ZNF91: variants seen among roughly 807,000 people sequenced by gnomAD.
ZNF91 encodes zinc finger protein 91.
In ZNF91, 7 loss-of-function variants were observed where a neutral mutation model predicts 12.6. The observed-to-expected ratio is 0.55, with a 90% confidence interval of 0.31 to 1.04. The LOEUF is 1.04. Among genes scored for constraint, ZNF91 ranks in the 50% least tolerant of loss-of-function variants. The pLI, the probability that ZNF91 is intolerant of heterozygous loss-of-function variation, is 0.05. For missense variants in ZNF91, 1,217 were observed against 1,385.4 expected (o/e 0.88, Z 1.93); for synonymous variants, 453 against 462.6 (o/e 0.98, Z 0.27).
chr19:23,369,654 G>A (rs1009697120), intron 3 of ZNF91, among the ~76,000 whole-genome samples: 1 of 152,134 alleles, frequency 6.6e-6, no homozygotes, highest in Non-Finnish European at 1.5e-5. Flanking sequence ...ATTTTGTTCT[G>A]TACTAAGAAA....
intron 3 of ZNF91, among the ~76,000 whole-genome samples, chr19:23,345,259 T>C (rs1968199909): frequency 6.6e-6 from 1 of 152,108 alleles, no homozygotes; most frequent in East Asian, 1.9e-4. Context: ...TTATGGGAAA[T>C]CTCAAGTTTT....
At chr19:23,372,873 C>T (rs1159558234) in intron 3 of ZNF91, among the ~76,000 whole-genome samples, 2 of 152,228 alleles carry the variant, frequency 1.3e-5, no homozygotes, top group Non-Finnish European at 2.9e-5. Flanking sequence ...TGCTCATCCA[C>T]ATCCTCATAT....
chr19:23,356,325 G>GTA (rs140830857), downstream of ZNF91, among the ~76,000 whole-genome samples: 3,568 of 151,618 alleles, frequency 0.024, 129 homozygotes, highest in African/African-American at 0.081. Context: ...ATATGTGTGT[G>GTA]TATATATATA....
At chr19:23,323,130 T>G (rs1967745728) in intron 1 of ZNF91, among the ~76,000 whole-genome samples, 2 of 143,470 alleles carry the variant, frequency 1.4e-5, no homozygotes, top group Non-Finnish European at 3.1e-5. Flanking sequence ...TCCTTTTCAG[T>G]TCTTCCTCCT....
downstream of ZNF91, among the ~76,000 whole-genome samples, chr19:23,335,337 T>G (rs1284353274): frequency 6.6e-6 from 1 of 152,190 alleles, no homozygotes; most frequent in Non-Finnish European, 1.5e-5. Flanking sequence ...GGAGAACCAC[T>G]ACTCTCTTCA....
At chr19:23,363,872 G>T (rs1167203754) in intron 3 of ZNF91, among the ~76,000 whole-genome samples, 1 of 151,880 alleles carries the variant, frequency 6.6e-6, no homozygotes, top group Non-Finnish European at 1.5e-5. Context: ...TATAAAAACT[G>T]ATAGATCCTA....
chr19:23,383,624 G>A (rs963522993), intron 1 of ZNF91, among the ~76,000 whole-genome samples: 3 of 151,926 alleles, frequency 2.0e-5, no homozygotes, highest in African/African-American at 7.3e-5. Context: ...GAAGGCAGAG[G>A]CTGCAGTTGG....
intron 1 of ZNF91, among the ~76,000 whole-genome samples, chr19:23,381,610 G>A (rs778120043): frequency 1.3e-5 from 2 of 151,778 alleles, no homozygotes; most frequent in Non-Finnish European, 2.9e-5. Flanking sequence ...ACAGGCGTGC[G>A]CCACCATGCT....
At position 23,376,489 on chromosome 19, in the gene ZNF91, A is replaced by G. The variant is rs561633768; in HGVS notation, c.31-1725T>C. On this transcript the variant is annotated intron_variant, in intron 1 of 3. Coordinates refer to ENST00000300619, the MANE Select transcript of ZNF91 (RefSeq NM_003430.4). ...ACCACAAGCTCTGCCTCCCGGGTTC[A>G]AGCAATTCTCCTGCCTCAGCCTGCC... Among the ~76,000 whole-genome samples the G allele has an allele frequency of 1.2e-4, 18 of 151,700 alleles. 1 individual carries two copies. In the South Asian group the frequency reaches 3.8e-3, roughly 32 times the overall value.
downstream of ZNF91, among the ~76,000 whole-genome samples, chr19:23,335,546 C>A (rs1020218330): frequency 6.6e-6 from 1 of 152,204 alleles, no homozygotes; most frequent in Non-Finnish European, 1.5e-5. Context: ...CCCCCAACCT[C>A]GCTGCCACCT....
In ZNF91 at chr19:23,348,193, A is replaced by T. The variant is rs201236826; in HGVS notation, c.254-9139T>A. 0.011 allele frequency among the ~76,000 whole-genome samples: 1,660 copies of T among 152,194 alleles called. 139 individuals are homozygous for T. The East Asian group carries it at 0.23, about 22-fold the overall frequency. ...GTAACCCTCCAGTGGTGGACAAAAAAATCTCCCTTTTTCCCTCATGAGATT... is the reference window on the plus strand; with the variant it reads ...GTAACCCTCCAGTGGTGGACAAAAATATCTCCCTTTTTCCCTCATGAGATT... On this transcript the variant is annotated intron_variant, in intron 3 of 3. Transcript: ENST00000599743.
intron 3 of ZNF91, among the ~76,000 whole-genome samples, chr19:23,369,240 G>T (rs193292037): frequency 1.6e-4 from 24 of 152,166 alleles, no homozygotes; most frequent in Admixed American, 5.9e-4. Flanking sequence ...AACCCAGGAG[G>T]CAGAGGTTGG....
At position 23,359,193 on chromosome 19, in the gene ZNF91, A is replaced by G. The variant is rs116827273; in HGVS notation, c.*210T>C. 4,478 of 492,704 alleles carry G rather than the reference A, an allele frequency of 9.1e-3. 148 individuals are homozygous for G. Among genetic ancestry groups the G allele is most frequent in the African/African-American group, 0.079 (3,966 of 50,478 alleles). The allele number at this position is 492,704 out of a possible 1,614,324, so 30.5% of individuals were successfully genotyped here. On this transcript the variant is annotated 3_prime_UTR_variant, in exon 4 of 4. Transcript: ENST00000300619. The stretch of plus-strand genomic sequence containing the variant: ...GGTTAAAAGATTTGCCACATTCTTT[A>G]TATTTGTAGGGTTTCTCTCTAGTAT...
intron 3 of ZNF91, 80 bp from the exon 4 acceptor site, chr19:23,362,805 A>G (rs1435540223): frequency 1.5e-6 from 2 of 1,299,568 alleles, no homozygotes; most frequent in Non-Finnish European, 2.0e-6. Context: ...TCTTACCTAC[A>G]AAATTATACA....
chr19:23,367,640 C>T (rs934375437), intron 3 of ZNF91, among the ~76,000 whole-genome samples: 4 of 152,016 alleles, frequency 2.6e-5, no homozygotes, highest in African/African-American at 7.2e-5. Context: ...GATTTTGAAA[C>T]GTACTAAAAG....
At chr19:23,378,008 T>TG (rs1229471653) in intron 1 of ZNF91, among the ~76,000 whole-genome samples, 2 of 152,150 alleles carry the variant, frequency 1.3e-5, no homozygotes, top group African/African-American at 4.8e-5. Context: ...TATAGACAGA[T>TG]GAGAGGGATA....
At chr19:23,318,190 T>G (rs1451525826) in intron 1 of ZNF91, among the ~76,000 whole-genome samples, 2 of 152,194 alleles carry the variant, frequency 1.3e-5, no homozygotes, top group African/African-American at 2.4e-5. Context: ...ACCCAAGTTA[T>G]GTGATTCTCC....
intron 3 of ZNF91, among the ~76,000 whole-genome samples, chr19:23,366,923 C>T (rs542410409): frequency 1.1e-4 from 17 of 152,300 alleles, no homozygotes; most frequent in Non-Finnish European, 2.5e-4. Flanking sequence ...ACTTTTCAGT[C>T]AAAAGCAAGG....
intron 3 of ZNF91, chr19:23,342,093 C>T: frequency 2.8e-6 from 1 of 355,694 alleles, no homozygotes; most frequent in Non-Finnish European, 5.1e-6. Context: ...CATTCTATAC[C>T]ACATTTTAAG....
Sources: allele counts gnomAD v4.1 joint callset (sites outside exome capture counted in the v4.1 genomes callset), GRCh38; gene constraint gnomAD v4.1.1; transcripts MANE v1.5; gene names NCBI Gene and HGNC (gene_info 2026-07-23, HGNC 2026-07-21).